The following DSCAML1 variants were observed in gnomAD, a reference collection of about 807,000 sequenced individuals.
DSCAML1 encodes cell adhesion molecule DSCAML1.
A neutral mutation model predicts 200.5 loss-of-function variants in DSCAML1; 38 were observed. The ratio of observed to expected loss-of-function variants is 0.19; its 90% CI spans 0.15 to 0.25. The LOEUF is 0.25. DSCAML1 is among the 10% of genes least tolerant of loss of function. DSCAML1 has a pLI of 1.00. For synonymous variants in DSCAML1, 1,215 were observed against 1,165.0 expected, an observed-to-expected ratio of 1.04 and a Z score of -0.87; for missense variants, 2,223 against 2,858.8, an observed-to-expected ratio of 0.78 and a Z score of 5.07.
chr11:117,457,719 C>T lies in DSCAML1; in HGVS notation c.3568+1035G>A, dbSNP rs532769933. Among the ~76,000 whole-genome samples the T allele has an allele frequency of 3.9e-5, 6 of 152,278 alleles. No homozygotes were observed. In the East Asian group the frequency reaches 7.7e-4, roughly 20 times the overall value. ...GCTGGTCCAGTCCCCGGGCACTGGG[C>T]GACAATGGCAGCTTCTCCCCCACCA... On this transcript the variant is annotated intron_variant, in intron 19 of 32. Coordinates refer to ENST00000651296, the MANE Select transcript of DSCAML1 (RefSeq NM_020693.4).
chr11:117,779,265 C>T (rs886539218), intron 2 of DSCAML1, among the ~76,000 whole-genome samples: 5 of 152,246 alleles, frequency 3.3e-5, no homozygotes, highest in Middle Eastern at 6.8e-3. Context: ...TTATAATGAT[C>T]CGAGACCCAC....
intron 3 of DSCAML1, among the ~76,000 whole-genome samples, chr11:117,648,045 GC>G (rs1284928223): frequency 6.6e-6 from 1 of 152,214 alleles, no homozygotes; most frequent in Non-Finnish European, 1.5e-5. Flanking sequence ...GTGCCAGTCA[GC>G]CCTGCATGGG....
intron 3 of DSCAML1, among the ~76,000 whole-genome samples, chr11:117,749,289 T>C (rs775818605): frequency 6.6e-6 from 1 of 152,240 alleles, no homozygotes; most frequent in East Asian, 1.9e-4. Context: ...TTACACACCA[T>C]ACACAAACAA....
At chr11:117,483,203 CAATG>C (rs1048755339) in intron 11 of DSCAML1, among the ~76,000 whole-genome samples, 3 of 152,220 alleles carry the variant, frequency 2.0e-5, no homozygotes, top group African/African-American at 4.8e-5. Context: ...CCGCCCAACT[CAATG>C]AACACACATG....
intron 3 of DSCAML1, among the ~76,000 whole-genome samples, chr11:117,647,353 G>A (rs144664676): frequency 2.0e-5 from 3 of 152,336 alleles, no homozygotes; most frequent in Admixed American, 6.5e-5. Flanking sequence ...GGGGTGGTCT[G>A]TGCAGGAGTC....
At chr11:117,532,308 A>C (rs2050095829) in intron 4 of DSCAML1, 68 bp downstream of exon 4, 3 of 1,534,722 alleles carry the variant, frequency 2.0e-6, no homozygotes, top group Non-Finnish European at 2.6e-6. Flanking sequence ...GGGCGTGCCA[A>C]GTTCCAGGGA....
intron 3 of DSCAML1, among the ~76,000 whole-genome samples, chr11:117,541,913 C>G (rs987244007): frequency 6.6e-6 from 1 of 152,184 alleles, no homozygotes; most frequent in Non-Finnish European, 1.5e-5. Flanking sequence ...AATGCTACCC[C>G]CAGCCCGAAG....
At chr11:117,487,249 CTG>C (rs1285096284) in intron 11 of DSCAML1, among the ~76,000 whole-genome samples, 7 of 151,980 alleles carry the variant, frequency 4.6e-5, no homozygotes, top group Admixed American at 1.3e-4. Flanking sequence ...TATTGACTAT[CTG>C]TTAATATTTT....
intron 11 of DSCAML1, among the ~76,000 whole-genome samples, chr11:117,487,900 A>G (rs1457060423): frequency 6.6e-6 from 1 of 152,226 alleles, no homozygotes; most frequent in Non-Finnish European, 1.5e-5. Flanking sequence ...CATTGGAAGT[A>G]GACAACCTGT....
intron 3 of DSCAML1, among the ~76,000 whole-genome samples, chr11:117,547,787 C>T (rs766758137): frequency 7.2e-5 from 11 of 152,192 alleles, no homozygotes; most frequent in African/African-American, 1.9e-4. Context: ...GAAAACATCT[C>T]GTGGCTTCCT....
At chr11:117,712,581 A>T (rs2053868728) in intron 3 of DSCAML1, among the ~76,000 whole-genome samples, 1 of 152,114 alleles carries the variant, frequency 6.6e-6, no homozygotes, top group Non-Finnish European at 1.5e-5. Flanking sequence ...CTGCATTTTA[A>T]TGATGGGGAA....
chr11:117,489,790 G>A lies in DSCAML1; in HGVS notation c.2360-7628C>T, dbSNP rs975865488. On this transcript the variant is annotated intron_variant, in intron 11 of 32. Coordinates refer to ENST00000651296, the MANE Select transcript of DSCAML1 (RefSeq NM_020693.4). This position sits in a 1 kb window ranked among gnomAD's most constrained non-coding sequence, Gnocchi z 4.8. ...CACATTGCATGCAGGCCTCTCCTGCGGGGCATCCCCTGCATGGCACGTGTC... is the reference window on the plus strand; with the variant it reads ...CACATTGCATGCAGGCCTCTCCTGCAGGGCATCCCCTGCATGGCACGTGTC... Among the ~76,000 whole-genome samples, 6 of 152,298 alleles carry A rather than the reference G, an allele frequency of 3.9e-5. No individual in the cohort carries two copies. The highest frequency in any genetic ancestry group is 3.9e-4 in the East Asian group (2 of 5,178).
Position 117,503,638 on chromosome 11 carries a change from G to T in DSCAML1, c.2359+207C>A, listed in dbSNP as rs1490327728. Among the ~76,000 whole-genome samples, 1 of 152,192 alleles carries T rather than the reference G, an allele frequency of 6.6e-6. No homozygotes were observed. The highest frequency in any genetic ancestry group is 1.9e-4 in the East Asian group (1 of 5,196). ...TGTGACCAGGGTGGGGTGAGTTGGGGCCTCTCAGGGTGAGGCCGCTGTTTT... is the reference window on the plus strand; with the variant it reads ...TGTGACCAGGGTGGGGTGAGTTGGGTCCTCTCAGGGTGAGGCCGCTGTTTT... On this transcript the variant is annotated intron_variant, in intron 11 of 32. Transcript: ENST00000651296. This position sits in a 1 kb window ranked among gnomAD's most constrained non-coding sequence, Gnocchi z 5.2.
chr11:117,699,272 T>C (rs972312604), intron 3 of DSCAML1, among the ~76,000 whole-genome samples: 1 of 152,174 alleles, frequency 6.6e-6, no homozygotes, highest in Non-Finnish European at 1.5e-5. Context: ...TGGGGAGCTC[T>C]GGCCTTGGTG....
chr11:117,644,504 A>C (rs913293295), intron 3 of DSCAML1, among the ~76,000 whole-genome samples: 1 of 152,188 alleles, frequency 6.6e-6, no homozygotes, highest in Non-Finnish European at 1.5e-5. Flanking sequence ...TCTTGCCCTA[A>C]ATTGAGCCCA....
chr11:117,604,552 G>C (rs75645245), intron 3 of DSCAML1, among the ~76,000 whole-genome samples: 2,989 of 152,262 alleles, frequency 0.02, 101 homozygotes, highest in African/African-American at 0.067. Context: ...TTCTCTCTCG[G>C]CCGGCAGAGC....
intron 1 of DSCAML1, among the ~76,000 whole-genome samples, chr11:117,815,872 G>A (rs1187059832): frequency 6.6e-6 from 1 of 151,380 alleles, no homozygotes; most frequent in East Asian, 2.0e-4. Flanking sequence ...CCTAAATTCT[G>A]AGCTTGCCTT....
chr11:117,605,441 C>T (rs925259041), intron 3 of DSCAML1, among the ~76,000 whole-genome samples: 6 of 152,206 alleles, frequency 3.9e-5, no homozygotes, highest in African/African-American at 4.8e-5. Context: ...CAGAGTCACA[C>T]ACAAACCCAG....
At position 117,428,174 on chromosome 11, in the gene DSCAML1, T is replaced by C. The variant is rs574274509; in HGVS notation, c.*154A>G. 3.8e-4 allele frequency: 222 copies of C among 584,774 alleles called. 2 individuals carry two copies. In the South Asian group the frequency reaches 4.6e-3, roughly 12 times the overall value. 36.2% of individuals were successfully genotyped at this position (584,774 alleles called of 1,614,324 possible). On this transcript the variant is annotated 3_prime_UTR_variant, in exon 33 of 33. Transcript: ENST00000651296. ...AATAGTTTCATTTGTACAAAAGAGT[T>C]CTATGTACAGGCGTTCATGATTGGG...
Sources: allele counts gnomAD v4.1 joint callset (sites outside exome capture counted in the v4.1 genomes callset), GRCh38; gene constraint gnomAD v4.1.1; non-coding constraint Gnocchi (gnomAD v3.1); transcripts MANE v1.5; gene names NCBI Gene and HGNC (gene_info 2026-07-23, HGNC 2026-07-21).